ZFAND3: variants seen among roughly 807,000 people sequenced by gnomAD.
ZFAND3 encodes the protein AN1-type zinc finger protein 3.
Under a neutral mutation model 29.6 loss-of-function variants are expected in ZFAND3, and 10 were observed. That is an observed-to-expected ratio of 0.34 (90% CI 0.21 to 0.57). The LOEUF is 0.57. Ranked by LOEUF, ZFAND3 falls within the 20% of genes least tolerant of loss-of-function variation. The pLI is 0.86. For missense variants in ZFAND3, 230 were observed against 304.5 expected (o/e 0.76, Z 1.82); for synonymous variants, 128 against 112.6 (o/e 1.14, Z -0.87).
chr6:38,103,304 A>G (rs1224053916), intron 4 of ZFAND3, among the ~76,000 whole-genome samples: 1 of 151,624 alleles, frequency 6.6e-6, no homozygotes, highest in African/African-American at 2.4e-5. Context: ...AACATTGAGG[A>G]CTTAACCGTA....
At chr6:38,080,671 T>C (rs952742202) in intron 3 of ZFAND3, among the ~76,000 whole-genome samples, 1 of 152,138 alleles carries the variant, frequency 6.6e-6, no homozygotes, top group African/African-American at 2.4e-5. Flanking sequence ...CTAAAAAGCC[T>C]ATACTTTTCC....
chr6:37,885,034 C>T (rs1206415539), intron 1 of ZFAND3, among the ~76,000 whole-genome samples: 2 of 152,182 alleles, frequency 1.3e-5, no homozygotes, highest in Non-Finnish European at 2.9e-5. Context: ...GAGCCTCTTT[C>T]TTCCAACAGT....
At chr6:37,950,177 A>G (rs960886356) in intron 2 of ZFAND3, among the ~76,000 whole-genome samples, 3 of 152,138 alleles carry the variant, frequency 2.0e-5, no homozygotes, top group Non-Finnish European at 2.9e-5. Flanking sequence ...TTTTGTTGCA[A>G]TTGCTTTTAC....
At chr6:37,999,450 G>A (rs59015245) in intron 2 of ZFAND3, among the ~76,000 whole-genome samples, 2,134 of 152,242 alleles carry the variant, frequency 0.014, 59 homozygotes, top group African/African-American at 0.049. Flanking sequence ...GGGAGGGAAA[G>A]TAACTTTAAT....
intron 1 of ZFAND3, among the ~76,000 whole-genome samples, chr6:37,889,640 C>A (rs748125860): frequency 1.3e-5 from 2 of 152,138 alleles, no homozygotes. Context: ...GCCTGTGAGA[C>A]CCAGTGTGCT....
intron 2 of ZFAND3, among the ~76,000 whole-genome samples, chr6:37,946,968 A>G (rs1304890794): frequency 6.6e-6 from 1 of 152,112 alleles, no homozygotes; most frequent in Non-Finnish European, 1.5e-5. Context: ...AGCTCTGGAG[A>G]TGGATGTTAG....
chr6:38,094,181 G>T (rs1487862417), intron 4 of ZFAND3, among the ~76,000 whole-genome samples: 1 of 152,160 alleles, frequency 6.6e-6, no homozygotes, highest in African/African-American at 2.4e-5. Flanking sequence ...TAGCAGCAGA[G>T]AGCTGAGGGT....
chr6:38,096,198 A>G (rs955487481), intron 4 of ZFAND3, among the ~76,000 whole-genome samples: 3 of 149,644 alleles, frequency 2.0e-5, no homozygotes, highest in African/African-American at 7.4e-5. Context: ...CCCGAGACAG[A>G]GTCTTGCTGT....
rs533775998 is a variant in ZFAND3 at position 37,910,449 on chromosome 6, TA to T, written c.72-19502del. 1.2e-3 allele frequency among the ~76,000 whole-genome samples: 188 copies of T among 152,164 alleles called. 1 individual carries two copies. Among genetic ancestry groups the T allele is most frequent in the Admixed American group, 2.8e-3 (43 of 15,274 alleles). Reference sequence around the variant, plus strand: ...AATCTGAAGGTACTCTTTCTAGATTTAAAAAAAATATTTTAATTAAGACTTT... The same window carrying T: ...AATCTGAAGGTACTCTTTCTAGATTTAAAAAAATATTTTAATTAAGACTTT... On this transcript the variant is annotated intron_variant, in intron 1 of 5. Coordinates refer to ENST00000287218, the MANE Select transcript of ZFAND3 (RefSeq NM_021943.3).
intron 2 of ZFAND3, among the ~76,000 whole-genome samples, chr6:37,959,684 C>T (rs906844632): frequency 6.6e-6 from 1 of 152,154 alleles, no homozygotes; most frequent in Admixed American, 6.5e-5. Context: ...GTGATCCTTG[C>T]TTCATATGGA....
intron 1 of ZFAND3, among the ~76,000 whole-genome samples, chr6:37,823,074 A>G (rs1388593467): frequency 6.6e-6 from 1 of 152,086 alleles, no homozygotes; most frequent in East Asian, 1.9e-4. Context: ...AATGTGAAAG[A>G]CTATTGGTGG....
At chr6:38,131,004 A>G (rs1433883625) in intron 5 of ZFAND3, among the ~76,000 whole-genome samples, 1 of 152,096 alleles carries the variant, frequency 6.6e-6, no homozygotes, top group Non-Finnish European at 1.5e-5. Flanking sequence ...TGGTCTGTTC[A>G]GGGTATCTAA....
chr6:37,834,573 G>A (rs866164025), intron 1 of ZFAND3, among the ~76,000 whole-genome samples: 3 of 152,128 alleles, frequency 2.0e-5, no homozygotes, highest in East Asian at 3.9e-4. Context: ...AAGAAACTGC[G>A]AAACTCTAAC....
rs531052502 is a variant in ZFAND3 at position 37,967,816 on chromosome 6, G to A, written c.112+37817G>A. 7.0e-4 allele frequency among the ~76,000 whole-genome samples: 107 copies of A among 152,224 alleles called. 5 individuals carry two copies. In the South Asian group the frequency reaches 0.022, roughly 31 times the overall value. On this transcript the variant is annotated intron_variant, in intron 2 of 5. Coordinates refer to ENST00000287218, the MANE Select transcript of ZFAND3 (RefSeq NM_021943.3). ...ATTTTCTCCCCTTCATGGATGTCCT[G>A]TTTTTCCTTTTTAAGTGTTGACTCC...
chr6:37,991,225 A>G (rs1561958358), intron 2 of ZFAND3, among the ~76,000 whole-genome samples: 1 of 152,174 alleles, frequency 6.6e-6, no homozygotes. Context: ...CTCATTGGAC[A>G]GGCATTTTCC....
At chr6:37,832,130 C>G (rs1397457488) in intron 1 of ZFAND3, among the ~76,000 whole-genome samples, 3 of 152,116 alleles carry the variant, frequency 2.0e-5, no homozygotes, top group African/African-American at 4.8e-5. Context: ...ACCGGTTAGC[C>G]TGTGGACCAT....
At chr6:38,151,712 C>A (rs1198734388) in intron 5 of ZFAND3, among the ~76,000 whole-genome samples, 13 of 152,202 alleles carry the variant, frequency 8.5e-5, no homozygotes, top group Non-Finnish European at 8.8e-5. Context: ...AATCCACTTT[C>A]CTTTGAGAGC....
rs1053173674 is a variant in ZFAND3, at chr6:38,087,679, A to G, written c.361+5222A>G. Among the ~76,000 whole-genome samples, 5 of 152,200 alleles carry G rather than the reference A, an allele frequency of 3.3e-5. No individual in the cohort carries two copies. The South Asian group carries it at 8.3e-4, about 25-fold the overall frequency. On this transcript the variant is annotated intron_variant, in intron 4 of 5. Transcript: ENST00000287218. ...AATTAAACTGGCTTATATTCAGAAGACAGGCAATAACAAGTATTGACAAGG... is the reference window on the plus strand; with the variant it reads ...AATTAAACTGGCTTATATTCAGAAGGCAGGCAATAACAAGTATTGACAAGG...
chr6:38,060,413 C>CT (rs1291473724), intron 2 of ZFAND3, among the ~76,000 whole-genome samples: 5 of 150,146 alleles, frequency 3.3e-5, no homozygotes, highest in South Asian at 4.4e-4. Context: ...TTTCTTGGTT[C>CT]TTTTTTTTCC....
Sources: allele counts gnomAD v4.1 joint callset (sites outside exome capture counted in the v4.1 genomes callset), GRCh38; gene constraint gnomAD v4.1.1; transcripts MANE v1.5; gene names NCBI Gene and HGNC (gene_info 2026-07-23, HGNC 2026-07-21).